Variants in FRMD4A observed in about 807,000 individuals in gnomAD.
The protein encoded by FRMD4A is FERM domain containing 4A, also known as FERM domain-containing protein 4A.
A neutral mutation model predicts 129.1 loss-of-function variants in FRMD4A; 29 were observed. That is an observed-to-expected ratio of 0.22 (90% confidence interval 0.17 to 0.31). The LOEUF is 0.31. Among genes scored for constraint, FRMD4A ranks in the 10% least tolerant of loss-of-function variants. The pLI, the probability that FRMD4A is intolerant of heterozygous loss-of-function variation, is 1.00. For synonymous variants in FRMD4A, 634 were observed against 571.6 expected (o/e 1.11, Z -1.56); for missense variants, 1,272 against 1,375.8 (o/e 0.92, Z 1.19).
chr10:13,706,724 G>A (rs1043116082), intron 13 of FRMD4A, among the ~76,000 whole-genome samples: 1 of 140,378 alleles, frequency 7.1e-6, no homozygotes, highest in Non-Finnish European at 1.5e-5. Flanking sequence ...CCAGTGCCCC[G>A]GCAGGTAAGA....
intron 1 of FRMD4A, 71 bp from the exon 2 acceptor site, chr10:14,330,254 C>A: frequency 1.4e-6 from 1 of 714,108 alleles, no homozygotes; most frequent in Non-Finnish European, 2.5e-6. Context: ...CCACCTTTCA[C>A]ACAGGGTGGG....
In FRMD4A at chr10:14,139,990, C is replaced by T. The variant is rs537651235; in HGVS notation, c.45+190068G>A. Among the ~76,000 whole-genome samples the T allele has an allele frequency of 8.5e-5, 13 of 152,228 alleles. No individual in the cohort carries two copies. In the South Asian group the frequency reaches 1.5e-3, roughly 17 times the overall value. ...TATAATTCACATTAAATCATATACA[C>T]GTAAATTTTGAAGGCTACCTAAATT... On this transcript the variant is annotated intron_variant, in intron 2 of 24. Coordinates refer to ENST00000357447, the MANE Select transcript of FRMD4A (RefSeq NM_018027.5).
At chr10:14,111,732 T>G (rs1837913826) in intron 2 of FRMD4A, among the ~76,000 whole-genome samples, 1 of 151,894 alleles carries the variant, frequency 6.6e-6, no homozygotes, top group African/African-American at 2.4e-5. Flanking sequence ...GAAATCTTAT[T>G]GAGAGATTAG....
At chr10:13,880,882 G>A (rs2094538902) in intron 2 of FRMD4A, among the ~76,000 whole-genome samples, 1 of 151,932 alleles carries the variant, frequency 6.6e-6, no homozygotes, top group Non-Finnish European at 1.5e-5. Flanking sequence ...AGCATCCTCT[G>A]TCACTTACTT....
At chr10:13,733,890 A>G (rs2090467293) in intron 12 of FRMD4A, among the ~76,000 whole-genome samples, 1 of 152,162 alleles carries the variant, frequency 6.6e-6, no homozygotes, top group Non-Finnish European at 1.5e-5. Context: ...CTGGTGTGCC[A>G]ACTGCCAATC....
At chr10:13,855,277 T>C (rs897445507) in intron 3 of FRMD4A, among the ~76,000 whole-genome samples, 14 of 152,118 alleles carry the variant, frequency 9.2e-5, no homozygotes, top group Non-Finnish European at 1.5e-4. Context: ...AAGAGGCAAA[T>C]GGGGAGTCGG....
intron 12 of FRMD4A, among the ~76,000 whole-genome samples, chr10:13,718,843 A>G (rs2089134405): frequency 6.6e-6 from 1 of 152,214 alleles, no homozygotes; most frequent in Admixed American, 6.5e-5. Flanking sequence ...AGCAATGATC[A>G]TGTGGTGCCG....
intron 2 of FRMD4A, among the ~76,000 whole-genome samples, chr10:13,961,921 C>A (rs1221877760): frequency 6.6e-6 from 1 of 151,636 alleles, no homozygotes; most frequent in Admixed American, 6.6e-5. Context: ...GATGAATGAA[C>A]AAAGACATGA....
At chr10:13,786,512 A>G (rs1174642475) in intron 5 of FRMD4A, among the ~76,000 whole-genome samples, 1 of 152,182 alleles carries the variant, frequency 6.6e-6, no homozygotes, top group East Asian at 1.9e-4. Context: ...AGGCTGAGGC[A>G]GGAGAATCGC....
At chr10:13,836,436 AAG>A (rs2130957355) in intron 3 of FRMD4A, among the ~76,000 whole-genome samples, 1 of 152,254 alleles carries the variant, frequency 6.6e-6, no homozygotes, top group East Asian at 1.9e-4. Flanking sequence ...TTTTCCTGGG[AAG>A]GAAAAAGAGG....
At chr10:13,661,218 T>C (rs545671401) in intron 19 of FRMD4A, among the ~76,000 whole-genome samples, 3 of 152,330 alleles carry the variant, frequency 2.0e-5, no homozygotes, top group South Asian at 4.1e-4. Flanking sequence ...TATTAATAAA[T>C]GATTCCCTGC....
chr10:14,319,349 CCTCT>C (rs10645584), intron 2 of FRMD4A, among the ~76,000 whole-genome samples: 1 of 137,372 alleles, frequency 7.3e-6, no homozygotes, highest in Non-Finnish European at 1.5e-5. Flanking sequence ...ATCTCTCTCT[CCTCT>C]CTCTCTCTCT....
chr10:14,181,532 C>T (rs183580793), intron 2 of FRMD4A, among the ~76,000 whole-genome samples: 33 of 152,238 alleles, frequency 2.2e-4, no homozygotes, highest in Admixed American at 2.0e-3. Flanking sequence ...AGCATTTTTA[C>T]CTCCCGCTTT....
At chr10:13,794,199 C>G (rs2093063874) in intron 5 of FRMD4A, among the ~76,000 whole-genome samples, 1 of 152,040 alleles carries the variant, frequency 6.6e-6, no homozygotes, top group Non-Finnish European at 1.5e-5. Flanking sequence ...CCAGACCAGC[C>G]TGACCAACAT....
intron 2 of FRMD4A, among the ~76,000 whole-genome samples, chr10:14,067,777 A>G (rs949647399): frequency 6.6e-6 from 1 of 152,210 alleles, no homozygotes; most frequent in African/African-American, 2.4e-5. Context: ...AGATTGTGCA[A>G]CTGCACTCCA....
At chr10:13,880,262 T>C (rs1441570279) in intron 2 of FRMD4A, among the ~76,000 whole-genome samples, 1 of 152,156 alleles carries the variant, frequency 6.6e-6, no homozygotes, top group African/African-American at 2.4e-5. Context: ...TAATGGTAGC[T>C]CTGCCTCGTC....
chr10:14,186,149 GAAAA>G (rs11460017), intron 2 of FRMD4A, among the ~76,000 whole-genome samples: 9 of 122,962 alleles, frequency 7.3e-5, no homozygotes, highest in Middle Eastern at 4.1e-3. Flanking sequence ...AAAAGAAAAA[GAAAA>G]AAAAAAAAAG....
At chr10:14,124,162 C>A (rs1293205846) in intron 2 of FRMD4A, among the ~76,000 whole-genome samples, 1 of 152,138 alleles carries the variant, frequency 6.6e-6, no homozygotes, top group African/African-American at 2.4e-5. Flanking sequence ...TATTCAAGCA[C>A]AGCAGTGTGG....
intron 2 of FRMD4A, among the ~76,000 whole-genome samples, chr10:14,218,421 A>G (rs932486863): frequency 2.0e-5 from 3 of 152,242 alleles, no homozygotes; most frequent in African/African-American, 7.2e-5. Context: ...ACTAGCTTTC[A>G]GTCATAGTTA....
Sources: allele counts gnomAD v4.1 joint callset (sites outside exome capture counted in the v4.1 genomes callset), GRCh38; gene constraint gnomAD v4.1.1; transcripts MANE v1.5; gene names NCBI Gene and HGNC (gene_info 2026-07-23, HGNC 2026-07-21).